Variants in MYO5B observed in about 807,000 individuals in gnomAD.
MYO5B encodes myosin VB.
MYO5B carries 143 observed loss-of-function variants against 229.3 expected under a neutral mutation model. The ratio of observed to expected loss-of-function variants is 0.62; its 90% CI spans 0.54 to 0.72. MYO5B has a LOEUF of 0.72. Among genes scored for constraint, MYO5B ranks in the 30% least tolerant of loss-of-function variants. MYO5B has a pLI of 0.00. For synonymous variants in MYO5B, 918 were observed against 885.2 expected, an observed-to-expected ratio of 1.04 and a Z score of -0.66; for missense variants, 2,321 against 2,331.0, an observed-to-expected ratio of 1.00 and a Z score of 0.09.
At chr18:50,131,995 T>C (rs1790412) in intron 1 of MYO5B, among the ~76,000 whole-genome samples, 48,745 of 152,066 alleles carry the variant, frequency 0.32, 8,342 homozygotes, top group Admixed American at 0.46. Context: ...ATTGGCACTA[T>C]TTTTTCCCAA....
intron 10 of MYO5B, among the ~76,000 whole-genome samples, chr18:49,964,028 C>T (rs1336198949): frequency 6.6e-6 from 1 of 152,154 alleles, no homozygotes; most frequent in African/African-American, 2.4e-5. Flanking sequence ...AACCACACCC[C>T]CAGTGAGGAC....
rs548700687 is a variant in MYO5B at position 49,972,350 on chromosome 18, G to A, written c.1322+2000C>T. Among the ~76,000 whole-genome samples the A allele has an allele frequency of 2.0e-5, 3 of 152,256 alleles. No individual in the cohort carries two copies. In the East Asian group the frequency reaches 5.8e-4, roughly 29 times the overall value. On this transcript the variant is annotated intron_variant, in intron 10 of 39. Transcript: ENST00000285039. ...CAGCAGCCCCACGAGCCCAGCTCAC[G>A]GAGGCCTCCTAAGAACAGCAAAAAA...
intron 1 of MYO5B, among the ~76,000 whole-genome samples, chr18:50,144,049 T>C (rs2032461313): frequency 1.3e-5 from 2 of 152,096 alleles, no homozygotes; most frequent in African/African-American, 4.8e-5. Flanking sequence ...TCAGGTGTTG[T>C]GAAAATGTCT....
chr18:50,057,773 C>T (rs2030587952), intron 1 of MYO5B, among the ~76,000 whole-genome samples: 1 of 152,198 alleles, frequency 6.6e-6, no homozygotes, highest in Non-Finnish European at 1.5e-5. Flanking sequence ...GGTACTTTAG[C>T]TCCTTGCTCC....
Position 50,173,095 on chromosome 18 carries a change from G to A in MYO5B, c.27+21672C>T, listed in dbSNP as rs546660439. ...CCTGGCCAACACGGCGAACCCCGTC[G>A]CTACTAAAAACACAAAAAAATTAGC... is the stretch of plus-strand genomic sequence containing the variant. On this transcript the variant is annotated intron_variant, in intron 1 of 39. Transcript: ENST00000285039. Among the ~76,000 whole-genome samples, 4 of 151,962 alleles carry A rather than the reference G, an allele frequency of 2.6e-5. No homozygotes were observed. In the South Asian group the frequency reaches 6.2e-4, roughly 24 times the overall value.
chr18:50,109,725 G>A (rs759942747), intron 1 of MYO5B, among the ~76,000 whole-genome samples: 40 of 152,166 alleles, frequency 2.6e-4, no homozygotes, highest in South Asian at 2.1e-3. Flanking sequence ...CACGACCAGC[G>A]GTCATGATTT....
intron 18 of MYO5B, among the ~76,000 whole-genome samples, chr18:49,909,073 C>T (rs937912267): frequency 1.2e-4 from 18 of 152,280 alleles, no homozygotes; most frequent in East Asian, 3.9e-4. Context: ...CACTTCTCAT[C>T]GTTCTGTTCT....
intron 18 of MYO5B, among the ~76,000 whole-genome samples, chr18:49,911,286 A>G (rs907250498): frequency 1.3e-5 from 2 of 152,206 alleles, no homozygotes; most frequent in Admixed American, 6.5e-5. Flanking sequence ...CATAAACCCA[A>G]GCAAGCTGTA....
chr18:50,028,006 T>C (rs1346214226), intron 4 of MYO5B, among the ~76,000 whole-genome samples: 1 of 152,136 alleles, frequency 6.6e-6, no homozygotes, highest in African/African-American at 2.4e-5. Context: ...AATTAGAGGT[T>C]ACCTGGGGAT....
At chr18:50,027,837 A>T (rs1385402094) in intron 4 of MYO5B, among the ~76,000 whole-genome samples, 1 of 151,278 alleles carries the variant, frequency 6.6e-6, no homozygotes, top group African/African-American at 2.5e-5. Context: ...ATTCAAAAAG[A>T]TAACATTCAC....
chr18:49,987,063 T>A (rs1403129828), intron 7 of MYO5B, among the ~76,000 whole-genome samples: 1 of 152,170 alleles, frequency 6.6e-6, no homozygotes, highest in Non-Finnish European at 1.5e-5. Flanking sequence ...ATTTTCAGCA[T>A]CTTTCGAAGA....
intron 1 of MYO5B, among the ~76,000 whole-genome samples, chr18:50,120,663 T>C (rs2032043722): frequency 6.6e-6 from 1 of 152,178 alleles, no homozygotes; most frequent in African/African-American, 2.4e-5. Flanking sequence ...AAGCAGGTCA[T>C]AGCTGAGCCT....
chr18:49,861,405 A>C (rs1023160755), intron 29 of MYO5B, among the ~76,000 whole-genome samples: 11 of 152,212 alleles, frequency 7.2e-5, no homozygotes, highest in Admixed American at 6.5e-4. Flanking sequence ...ACCGCTTGTC[A>C]GACCAAGCAC....
intron 22 of MYO5B, among the ~76,000 whole-genome samples, chr18:49,888,824 C>T (rs1019046671): frequency 1.3e-5 from 2 of 152,200 alleles, no homozygotes; most frequent in Non-Finnish European, 2.9e-5. Flanking sequence ...AGCTCTTGAC[C>T]GGCACTCTCC....
At chr18:50,181,418 C>T (rs2033071751) in intron 1 of MYO5B, among the ~76,000 whole-genome samples, 1 of 152,226 alleles carries the variant, frequency 6.6e-6, no homozygotes, top group Non-Finnish European at 1.5e-5. Context: ...AAATTGGCAT[C>T]CATACCTGGA....
chr18:49,865,683 T>C (rs1006153783), intron 27 of MYO5B, among the ~76,000 whole-genome samples: 2 of 152,138 alleles, frequency 1.3e-5, no homozygotes, highest in African/African-American at 4.8e-5. Flanking sequence ...GGCTAAGGTT[T>C]CCTCCAGCTG....
At chr18:49,919,564 C>T (rs1282916592) in intron 17 of MYO5B, among the ~76,000 whole-genome samples, 2 of 152,168 alleles carry the variant, frequency 1.3e-5, no homozygotes, top group Non-Finnish European at 2.9e-5. Flanking sequence ...TGGCCAAGCA[C>T]ATGAAAGATG....
intron 27 of MYO5B, among the ~76,000 whole-genome samples, chr18:49,868,623 G>T (rs949433062): frequency 2.0e-5 from 3 of 152,180 alleles, no homozygotes; most frequent in Admixed American, 2.0e-4. Flanking sequence ...TGGCTACCAG[G>T]CCTGTCTCAG....
chr18:50,149,736 A>G lies in MYO5B; in HGVS notation c.27+45031T>C, dbSNP rs533740522. Among the ~76,000 whole-genome samples the G allele has an allele frequency of 2.2e-4, 34 of 152,282 alleles. 1 individual carries two copies. The South Asian group carries it at 7.0e-3, about 32-fold the overall frequency. On this transcript the variant is annotated intron_variant, in intron 1 of 39. Coordinates refer to ENST00000285039, the MANE Select transcript of MYO5B (RefSeq NM_001080467.3). ...AGACCTAAAACCATAAAAACCCTAG[A>G]AGAAAACCTAGGCATTACCATTCAG...
Sources: gnomAD v4.1 joint callset for allele counts (sites outside exome capture counted in the v4.1 genomes callset) on GRCh38, gnomAD v4.1.1 for gene constraint, MANE v1.5 for transcripts, NCBI Gene and HGNC (gene_info 2026-07-23, HGNC 2026-07-21) for gene names.